MAD1L1: variants seen among roughly 807,000 people sequenced by gnomAD.
MAD1L1 encodes mitotic spindle assembly checkpoint protein MAD1.
Under a neutral mutation model 96.9 loss-of-function variants are expected in MAD1L1, and 95 were observed. The ratio of observed to expected loss-of-function variants is 0.98; its 90% CI spans 0.83 to 1.16. The LOEUF is 1.16. MAD1L1 is among the 50% of genes most tolerant of loss of function. The pLI, the probability that MAD1L1 is intolerant of heterozygous loss-of-function variation, is 0.00. For synonymous variants in MAD1L1, 473 were observed against 396.6 expected (o/e 1.19, Z -2.29); for missense variants, 1,007 against 954.4 (o/e 1.06, Z -0.73).
chr7:2,000,398 TCAC>T (rs771484291), intron 14 of MAD1L1, among the ~76,000 whole-genome samples: 1 of 152,060 alleles, frequency 6.6e-6, no homozygotes, highest in Non-Finnish European at 1.5e-5. Context: ...CCAGGTTGTG[TCAC>T]CACCTCCTCC....
intron 18 of MAD1L1, among the ~76,000 whole-genome samples, chr7:1,870,593 C>T (rs909767798): frequency 8.4e-4 from 91 of 107,950 alleles, no homozygotes; most frequent in Middle Eastern, 8.5e-3. Context: ...ACGCTGAACC[C>T]ACCGTAACAC....
At chr7:2,073,823 G>C (rs1240778967) in intron 11 of MAD1L1, among the ~76,000 whole-genome samples, 2 of 152,192 alleles carry the variant, frequency 1.3e-5, no homozygotes, top group Non-Finnish European at 2.9e-5. Context: ...ACGGAGATGG[G>C]AGAAGTGAAC....
chr7:2,144,422 C>T (rs1034757831), intron 11 of MAD1L1, among the ~76,000 whole-genome samples: 7 of 152,204 alleles, frequency 4.6e-5, no homozygotes, highest in Admixed American at 2.0e-4. Flanking sequence ...CTCCAAAGCA[C>T]GGTCTTATTT....
chr7:2,036,362 C>T (rs1242572193), intron 12 of MAD1L1, among the ~76,000 whole-genome samples: 4 of 152,246 alleles, frequency 2.6e-5, no homozygotes, highest in Non-Finnish European at 4.4e-5. Context: ...AGCGCAGGAG[C>T]GCTGACAAGT....
chr7:1,951,216 C>A (rs889620542), intron 16 of MAD1L1, among the ~76,000 whole-genome samples: 1 of 152,266 alleles, frequency 6.6e-6, no homozygotes, highest in African/African-American at 2.4e-5. Flanking sequence ...AACCATCCTG[C>A]CTGAGGCTCA....
chr7:1,845,519 GATGGAC>G (rs1783558998), intron 18 of MAD1L1: 1 of 69,492 alleles, frequency 1.4e-5, no homozygotes, highest in Admixed American at 1.8e-4. Flanking sequence ...CTGTTTAGGA[GATGGAC>G]GTGCTCCACG....
At position 2,219,384 on chromosome 7, in the gene MAD1L1, G is replaced by C. The variant is rs766244339; in HGVS notation, c.544C>G (p.Arg182Gly). ...AGCTCCTGCTTCTCCGACTCCAGGCGCTTCACCCGCATCTCCTGGTCCATC... is the reference window on the plus strand; with the variant it reads ...AGCTCCTGCTTCTCCGACTCCAGGCCCTTCACCCGCATCTCCTGGTCCATC... ...SVMDQEMRVK[R>G]LESEKQELQE... is the part of the protein sequence containing the mutation. The change falls in exon 6 of 19, where the codon CGC (arginine) becomes GGC (glycine). Residue 182 changes from arginine to glycine, a missense_variant. Coordinates refer to ENST00000265854, the MANE Select transcript of MAD1L1 (RefSeq NM_001013836.2). 8.7e-6 allele frequency: 14 copies of C among 1,609,032 alleles called. No homozygotes were observed. Among genetic ancestry groups the C allele is most frequent in the African/African-American group, 1.3e-5 (1 of 74,742 alleles).
chr7:2,038,434 C>A (rs965420106), intron 12 of MAD1L1, among the ~76,000 whole-genome samples: 1 of 149,644 alleles, frequency 6.7e-6, no homozygotes, highest in Non-Finnish European at 1.5e-5. Flanking sequence ...GAGGAGAAGT[C>A]GATCCCTGCC....
At chr7:2,196,519 C>G in intron 10 of MAD1L1, among the ~76,000 whole-genome samples, 1 of 152,244 alleles carries the variant, frequency 6.6e-6, no homozygotes, top group East Asian at 1.9e-4. Flanking sequence ...TTAAAGCTGT[C>G]TGTGTGTGTG....
intron 15 of MAD1L1, among the ~76,000 whole-genome samples, chr7:1,964,136 C>G (rs73292419): frequency 6.6e-6 from 1 of 152,166 alleles, no homozygotes; most frequent in African/African-American, 2.4e-5. Context: ...TCCTGACCCT[C>G]GCCTCCCAGG....
At chr7:2,203,628 T>C (rs1021277944) in intron 10 of MAD1L1, among the ~76,000 whole-genome samples, 1 of 152,232 alleles carries the variant, frequency 6.6e-6, no homozygotes, top group African/African-American at 2.4e-5. Context: ...CAGCACACCC[T>C]GCAGTTCTTT....
intron 12 of MAD1L1, among the ~76,000 whole-genome samples, chr7:2,043,140 C>T (rs2128512148): frequency 6.6e-6 from 1 of 152,306 alleles, no homozygotes; most frequent in Middle Eastern, 3.4e-3. Flanking sequence ...TAAGGGGGGG[C>T]CTGAATGGAG....
intron 16 of MAD1L1, among the ~76,000 whole-genome samples, chr7:1,937,490 C>A (rs1239492928): frequency 6.6e-6 from 1 of 152,162 alleles, no homozygotes; most frequent in Admixed American, 6.5e-5. Flanking sequence ...CCTGGAGGCC[C>A]AGCCTGCTGA....
chr7:2,072,368 G>A (rs954032794), intron 11 of MAD1L1, among the ~76,000 whole-genome samples: 2 of 152,206 alleles, frequency 1.3e-5, no homozygotes, highest in Non-Finnish European at 2.9e-5. Flanking sequence ...AGCCGCCTCG[G>A]AAAGCCCTAC....
rs141019142 is a variant in MAD1L1, at chr7:1,948,512, G to A, written c.1596+9117C>T. Among the ~76,000 whole-genome samples, 194 of 152,312 alleles carry A rather than the reference G, an allele frequency of 1.3e-3. 3 individuals carry two copies. Among genetic ancestry groups the A allele is most frequent in the South Asian group, 0.011 (53 of 4,832 alleles). On this transcript the variant is annotated intron_variant, in intron 16 of 18. Coordinates refer to ENST00000265854, the MANE Select transcript of MAD1L1 (RefSeq NM_001013836.2). ...CCCAGGAGACGGCGCTGAGGCCACC[G>A]CACAGCTCCGGAGCTGGCCTTCCCG... is the stretch of plus-strand genomic sequence containing the variant.
intron 11 of MAD1L1, among the ~76,000 whole-genome samples, chr7:2,077,114 G>A (rs536309162): frequency 6.6e-6 from 1 of 151,546 alleles, no homozygotes; most frequent in African/African-American, 2.4e-5. Context: ...TGGTGAGCCC[G>A]AGATGGTTAC....
At chr7:1,976,405 G>C (rs1342236370) in intron 15 of MAD1L1, among the ~76,000 whole-genome samples, 2 of 152,236 alleles carry the variant, frequency 1.3e-5, no homozygotes, top group African/African-American at 4.8e-5. Flanking sequence ...CCTTCATGGT[G>C]AGTGTTACAG....
intron 17 of MAD1L1, among the ~76,000 whole-genome samples, chr7:1,925,224 A>C (rs1008252403): frequency 1.3e-5 from 2 of 152,234 alleles, no homozygotes; most frequent in African/African-American, 4.8e-5. Context: ...AATAAACTTT[A>C]AATTGCAAAG....
chr7:2,090,373 G>A (rs1406297788), intron 11 of MAD1L1, among the ~76,000 whole-genome samples: 2 of 152,186 alleles, frequency 1.3e-5, no homozygotes, highest in East Asian at 1.9e-4. Flanking sequence ...CTTACCTCAG[G>A]GGTTTTTAAA....
Sources: gnomAD v4.1 joint callset for allele counts (sites outside exome capture counted in the v4.1 genomes callset) on GRCh38, gnomAD v4.1.1 for gene constraint, MANE v1.5 for transcripts, NCBI Gene and HGNC (gene_info 2026-07-23, HGNC 2026-07-21) for gene names.